CDYL2: variants seen among roughly 807,000 people sequenced by gnomAD.
The protein encoded by CDYL2 is chromodomain Y like 2.
A neutral mutation model predicts 49.4 loss-of-function variants in CDYL2; 23 were observed. That is an observed-to-expected ratio of 0.47 (90% CI 0.34 to 0.66). The LOEUF (loss-of-function observed/expected upper bound fraction) is 0.66. Among genes scored for constraint, CDYL2 ranks in the 30% least tolerant of loss-of-function variants. CDYL2 has a pLI of 0.01. For synonymous variants in CDYL2, 360 were observed against 268.8 expected (o/e 1.34, Z -3.32); for missense variants, 678 against 656.4 (o/e 1.03, Z -0.36).
rs1292690884 is a variant in CDYL2, at chr16:80,804,577, C to T, written c.-404G>A. On this transcript the variant is annotated 5_prime_UTR_variant, in exon 1 of 7. Transcript: ENST00000570137. ...CAGGAAGCCGCCCGGCGCCCGCCGC[C>T]GGCCCGGACGCTGCTGCCACTGGGC... 1.4e-5 allele frequency among the ~76,000 whole-genome samples: 2 copies of T among 145,180 alleles called. No individual in the cohort carries two copies. Among genetic ancestry groups the T allele is most frequent in the South Asian group, 2.1e-4 (1 of 4,780 alleles).
intron 1 of CDYL2, among the ~76,000 whole-genome samples, chr16:80,771,254 A>C (rs894223094): frequency 2.0e-5 from 3 of 152,258 alleles, no homozygotes; most frequent in African/African-American, 4.8e-5. Flanking sequence ...GTATACAATC[A>C]AAATAAAACA....
chr16:80,772,359 AAC>A (rs1906933787), intron 1 of CDYL2, among the ~76,000 whole-genome samples: 1 of 152,206 alleles, frequency 6.6e-6, no homozygotes, highest in South Asian at 2.1e-4. Context: ...ACAGAAATAA[AAC>A]ACTCAAAAAC....
chr16:80,720,785 G>T (rs1904971872), intron 1 of CDYL2, among the ~76,000 whole-genome samples: 1 of 152,130 alleles, frequency 6.6e-6, no homozygotes, highest in African/African-American at 2.4e-5. Flanking sequence ...CAGTAGGCTG[G>T]CCTGGGAATC....
At chr16:80,697,858 T>C (rs951885949) in intron 1 of CDYL2, among the ~76,000 whole-genome samples, 1 of 152,004 alleles carries the variant, frequency 6.6e-6, no homozygotes, top group Non-Finnish European at 1.5e-5. Context: ...GAAAGATCTC[T>C]ACAATGGAAA....
rs566332979 is a variant in CDYL2 at position 80,693,498 on chromosome 16, G to T, written c.25-8369C>A. ...AAGTTCTGTATGTGAATACTAACAG[G>T]GGCTTAATTTGTCATTTCCAAAAAC... On this transcript the variant is annotated intron_variant, in intron 1 of 6. Transcript: ENST00000570137. 5.9e-5 allele frequency among the ~76,000 whole-genome samples: 9 copies of T among 152,232 alleles called. No homozygotes were observed. The East Asian group carries it at 1.7e-3, about 29-fold the overall frequency.
chr16:80,600,620 C>T lies in CDYL2; in HGVS notation c.*3768G>A, dbSNP rs1906040283. The T allele has an allele frequency of 6.6e-6, 1 of 152,016 alleles. No individual in the cohort carries two copies. Among genetic ancestry groups the T allele is most frequent in the Middle Eastern group, 3.2e-3 (1 of 314 alleles). 9.4% of individuals were successfully genotyped at this position (152,016 alleles called of 1,614,324 possible). ...GTGAGAGTGTCTAAACTAATATATA[C>T]AACAGATATAAGTGTCTGAATACAG... On this transcript the variant is annotated 3_prime_UTR_variant, in exon 7 of 7. Transcript: ENST00000570137.
intron 3 of CDYL2, among the ~76,000 whole-genome samples, chr16:80,622,635 A>G (rs1484085131): frequency 6.6e-6 from 1 of 152,088 alleles, no homozygotes; most frequent in African/African-American, 2.4e-5. Context: ...GTTTAGTCAC[A>G]CAGAAACTCC....
chr16:80,657,166 T>C (rs141452300), intron 2 of CDYL2, among the ~76,000 whole-genome samples: 124 of 152,236 alleles, frequency 8.1e-4, no homozygotes, highest in Non-Finnish European at 1.7e-3. Context: ...AAAACATGAA[T>C]TACTCCAAAT....
At chr16:80,793,655 C>T (rs1053340681) in intron 1 of CDYL2, among the ~76,000 whole-genome samples, 22 of 152,146 alleles carry the variant, frequency 1.4e-4, no homozygotes, top group African/African-American at 4.6e-4. Flanking sequence ...CTGCCCTCAC[C>T]GAGCTTAGGG....
intron 2 of CDYL2, among the ~76,000 whole-genome samples, chr16:80,654,764 T>C (rs979558157): frequency 6.6e-6 from 1 of 152,238 alleles, no homozygotes; most frequent in Non-Finnish European, 1.5e-5. Flanking sequence ...ACAGCTTCTG[T>C]GAAGCCCCAG....
chr16:80,642,079 A>G (rs1188070129), intron 2 of CDYL2, among the ~76,000 whole-genome samples: 3 of 152,208 alleles, frequency 2.0e-5, no homozygotes, highest in African/African-American at 4.8e-5. Flanking sequence ...ACAACTCTTC[A>G]AGACATAGTA....
chr16:80,709,149 C>A (rs1465842841), intron 1 of CDYL2, among the ~76,000 whole-genome samples: 1 of 152,072 alleles, frequency 6.6e-6, no homozygotes, highest in Non-Finnish European at 1.5e-5. Context: ...TTTGGGAGGC[C>A]GAGGTGGGCA....
chr16:80,604,402 T>C lies in CDYL2; in HGVS notation c.1507A>G (p.Ile503Val). The change falls in exon 7 of 7, where the codon ATT becomes GTT. Residue 503 changes from isoleucine (I) to valine (V), a missense_variant. Physicochemically the swap from Ile to Val is conservative, Grantham distance 29 (BLOSUM62 3). This residue lies in a region of CDYL2 where 153 missense variants were observed against 150.6 expected (regional missense o/e 1.02). Coordinates refer to ENST00000570137, the MANE Select transcript of CDYL2 (RefSeq NM_152342.4). ...DSLFSYLQDKIYEV is the reference protein window; with the variant it reads ...DSLFSYLQDKVYEV ...GCTGGGGCCCCTCAGACTTCATAAATTTTGTCCTGCAGGTAGCTGAAAAGG... is the reference window on the plus strand; with the variant it reads ...GCTGGGGCCCCTCAGACTTCATAAACTTTGTCCTGCAGGTAGCTGAAAAGG... 6.2e-7 allele frequency: 1 copy of C among 1,614,076 alleles called. No homozygotes were observed. Among genetic ancestry groups the C allele is most frequent in the Non-Finnish European group, 8.5e-7 (1 of 1,179,978 alleles).
In CDYL2 at chr16:80,685,129, C is replaced by A. The variant is rs760555163; in HGVS notation, c.25G>T (p.Val9Phe). MASGDLYEVERIVDKRKNK... is the reference protein window; with the variant it reads MASGDLYEFERIVDKRKNK... ...TTCCTCTTGTCTACAATCCTTTCAA[C>A]CTGCGATACAAGATGAGAGGGTCAG... The change falls in exon 2 of 7, where the codon GTT becomes TTT. Residue 9 changes from valine (V) to phenylalanine (F), a missense_variant and splice_region_variant. This residue lies in a region of CDYL2 where 478 missense variants were observed against 427.0 expected (regional missense o/e 1.12). Transcript: ENST00000570137. The A allele has an allele frequency of 6.2e-7, 1 of 1,603,682 alleles. No individual in the cohort carries two copies. Among genetic ancestry groups the A allele is most frequent in the Non-Finnish European group, 8.5e-7 (1 of 1,173,636 alleles).
At chr16:80,667,289 C>T (rs1909306651) in intron 2 of CDYL2, among the ~76,000 whole-genome samples, 1 of 152,162 alleles carries the variant, frequency 6.6e-6, no homozygotes, top group Non-Finnish European at 1.5e-5. Flanking sequence ...TGGAGCTCAG[C>T]CTCCCGTGCA....
intron 1 of CDYL2, among the ~76,000 whole-genome samples, chr16:80,709,346 C>A (rs1015542218): frequency 6.8e-6 from 1 of 146,800 alleles, no homozygotes; most frequent in Non-Finnish European, 1.5e-5. Flanking sequence ...CGTGCCATTG[C>A]ACTCCAGCCT....
chr16:80,654,721 G>A (rs1229263946), intron 2 of CDYL2, among the ~76,000 whole-genome samples: 1 of 152,226 alleles, frequency 6.6e-6, no homozygotes, highest in Non-Finnish European at 1.5e-5. Context: ...AGACATCAGA[G>A]CTGCCCGGCA....
chr16:80,737,775 T>A (rs1207329307), intron 1 of CDYL2, among the ~76,000 whole-genome samples: 1 of 152,214 alleles, frequency 6.6e-6, no homozygotes, highest in Non-Finnish European at 1.5e-5. Context: ...AGTCCCCAGG[T>A]CTGGGAACCA....
intron 1 of CDYL2, among the ~76,000 whole-genome samples, chr16:80,739,800 A>G (rs1216493249): frequency 6.6e-6 from 1 of 152,176 alleles, no homozygotes; most frequent in Non-Finnish European, 1.5e-5. Flanking sequence ...CCAATCAGGG[A>G]AACTCCCCAA....
Sources: allele counts gnomAD v4.1 joint callset (sites outside exome capture counted in the v4.1 genomes callset), GRCh38; gene constraint gnomAD v4.1.1; regional missense constraint gnomAD v4.1.1; transcripts MANE v1.5; gene names NCBI Gene and HGNC (gene_info 2026-07-23, HGNC 2026-07-21).